PPP2R3A: variants seen among roughly 807,000 people sequenced by gnomAD.
PPP2R3A encodes the protein serine/threonine-protein phosphatase 2A regulatory subunit B'' subunit alpha.
PPP2R3A carries 80 observed loss-of-function variants against 106.9 expected under a neutral mutation model. That is an observed-to-expected ratio of 0.75 (90% CI 0.62 to 0.90). The LOEUF (loss-of-function observed/expected upper bound fraction) is 0.90, where lower values mean the gene tolerates loss of function less well. Ranked by LOEUF, PPP2R3A falls within the 40% of genes least tolerant of loss-of-function variation. PPP2R3A has a pLI of 0.00. For synonymous variants in PPP2R3A, 483 were observed against 468.3 expected, an observed-to-expected ratio of 1.03 and a Z score of -0.41; for missense variants, 1,386 against 1,350.4, an observed-to-expected ratio of 1.03 and a Z score of -0.41.
At chr3:136,032,165 A>G (rs1934915794) in intron 3 of PPP2R3A, among the ~76,000 whole-genome samples, 1 of 152,056 alleles carries the variant, frequency 6.6e-6, no homozygotes, top group South Asian at 2.1e-4. Flanking sequence ...ATGTGTTTCC[A>G]TTTGTTTGTG....
intron 3 of PPP2R3A, among the ~76,000 whole-genome samples, chr3:136,030,433 C>T (rs1406900393): frequency 6.6e-6 from 1 of 151,706 alleles, no homozygotes; most frequent in Non-Finnish European, 1.5e-5. Context: ...TGTTGGGAAA[C>T]AGGTGATGTT....
chr3:136,078,477 G>T lies in PPP2R3A; in HGVS notation c.2631+24G>T, dbSNP rs145124500. On this transcript the variant is annotated intron_variant, in intron 7 of 13. Coordinates refer to ENST00000264977, the MANE Select transcript of PPP2R3A (RefSeq NM_002718.5). Reference sequence around the variant, plus strand: ...AAGTATGCCTTTCATTAGAATTCATGTGTAATGAGCAATTTAGATAATTTT... The same window carrying T: ...AAGTATGCCTTTCATTAGAATTCATTTGTAATGAGCAATTTAGATAATTTT... The T allele has an allele frequency of 1.1e-3, 1,463 of 1,375,038 alleles. 46 individuals carry two copies. The East Asian group carries it at 0.021, about 20-fold the overall frequency. 85.2% of individuals were successfully genotyped at this position (1,375,038 alleles called of 1,614,324 possible).
At chr3:136,131,501 C>A (rs1576335006) in intron 13 of PPP2R3A, among the ~76,000 whole-genome samples, 1 of 152,060 alleles carries the variant, frequency 6.6e-6, no homozygotes, top group Non-Finnish European at 1.5e-5. Context: ...ATCATTAAAA[C>A]GTCAGGAAAC....
Position 136,102,181 on chromosome 3 carries a change from T to C in PPP2R3A, c.3102T>C (p.Asp1034=). The change falls in exon 11 of 14, where the codon GAT becomes GAC. Residue 1034 remains aspartate (D), a splice_region_variant and synonymous_variant. Transcript: ENST00000264977. ...QMLDLVKPAV[D]GKITLRDLKR... is the part of the protein sequence containing the mutation. Reference sequence around the variant, plus strand: ...TTGACCTAGTGAAGCCAGCTGTTGATGGTGAGACCAAGCAATGGGACAGAT... The same window carrying C: ...TTGACCTAGTGAAGCCAGCTGTTGACGGTGAGACCAAGCAATGGGACAGAT... 6.2e-7 allele frequency: 1 copy of C among 1,612,812 alleles called. No homozygotes were observed. The highest frequency in any genetic ancestry group is 8.5e-7 in the Non-Finnish European group (1 of 1,179,928).
intron 13 of PPP2R3A, among the ~76,000 whole-genome samples, chr3:136,110,566 A>G: frequency 6.6e-6 from 1 of 152,196 alleles, no homozygotes; most frequent in East Asian, 1.9e-4. Flanking sequence ...TACACAGGAG[A>G]AGGAATCAGC....
intron 13 of PPP2R3A, among the ~76,000 whole-genome samples, chr3:136,130,488 C>T (rs963122412): frequency 1.3e-5 from 2 of 152,164 alleles, no homozygotes; most frequent in Admixed American, 6.5e-5. Context: ...AACTACAAAT[C>T]ACTGCTCAAT....
At chr3:136,097,865 A>C (rs1341677688) in intron 10 of PPP2R3A, among the ~76,000 whole-genome samples, 1 of 152,188 alleles carries the variant, frequency 6.6e-6, no homozygotes, top group Non-Finnish European at 1.5e-5. Context: ...TATTACATGT[A>C]TTGCAGCCCT....
chr3:136,001,881 C>A lies in PPP2R3A; in HGVS notation c.383C>A (p.Ser128Tyr). 6.2e-7 allele frequency: 1 copy of A among 1,614,104 alleles called. No individual in the cohort carries two copies. The highest frequency in any genetic ancestry group is 8.5e-7 in the Non-Finnish European group (1 of 1,180,002). ...GCCAGTGGGAAAATAAAAGAATTTT[C>A]CTTTGAAAAACTCAAAAACTCTAAC... The part of the protein sequence containing the change: ...SFASGKIKEF[S>Y]FEKLKNSNHA... The change falls in exon 2 of 14, where the codon TCC becomes TAC. Residue 128 changes from serine to tyrosine, a missense_variant. Transcript: ENST00000264977.
At chr3:136,132,309 T>G (rs985944030) in intron 13 of PPP2R3A, among the ~76,000 whole-genome samples, 2 of 151,974 alleles carry the variant, frequency 1.3e-5, no homozygotes, top group African/African-American at 4.8e-5. Flanking sequence ...GCATTCAGAT[T>G]GGAAAGGAAG....
chr3:136,027,460 C>T (rs573140707), intron 3 of PPP2R3A, among the ~76,000 whole-genome samples: 1 of 152,160 alleles, frequency 6.6e-6, no homozygotes, highest in Non-Finnish European at 1.5e-5. Flanking sequence ...TCATAACTGC[C>T]CTAATGCCAG....
At chr3:136,037,686 G>A (rs1330368876) in intron 3 of PPP2R3A, among the ~76,000 whole-genome samples, 1 of 152,168 alleles carries the variant, frequency 6.6e-6, no homozygotes, top group African/African-American at 2.4e-5. Flanking sequence ...ACAAGCCTGA[G>A]ACATCTTTAA....
At chr3:135,989,898 C>A (rs1049073487) in intron 1 of PPP2R3A, among the ~76,000 whole-genome samples, 2 of 152,044 alleles carry the variant, frequency 1.3e-5, no homozygotes, top group Non-Finnish European at 2.9e-5. Flanking sequence ...CAAAAATCTC[C>A]ATGACTGTTT....
At chr3:136,136,065 AAAAAAAAATTATATATAT>A (rs1422571708) in intron 13 of PPP2R3A, among the ~76,000 whole-genome samples, 399 of 30,740 alleles carry the variant, frequency 0.013, 20 homozygotes, top group East Asian at 0.13. Flanking sequence ...AAAAAAAAAA[AAAAAAAAATTATATATAT>A]ATATATATAT....
At chr3:136,069,031 A>G (rs994383434) in intron 5 of PPP2R3A, among the ~76,000 whole-genome samples, 6 of 152,238 alleles carry the variant, frequency 3.9e-5, no homozygotes, top group Admixed American at 3.9e-4. Flanking sequence ...TCGTAAGGAA[A>G]GACTAACGAA....
intron 1 of PPP2R3A, among the ~76,000 whole-genome samples, chr3:135,985,303 G>C (rs1224375199): frequency 6.7e-6 from 1 of 148,922 alleles, no homozygotes; most frequent in Admixed American, 6.7e-5. Flanking sequence ...TGCTCACTTT[G>C]TCTCTCTCTC....
intron 5 of PPP2R3A, among the ~76,000 whole-genome samples, chr3:136,050,834 G>A (rs976149453): frequency 2.6e-5 from 4 of 152,088 alleles, no homozygotes; most frequent in African/African-American, 9.7e-5. Context: ...AAGTAGGGGT[G>A]AGCTCCCTAC....
intron 13 of PPP2R3A, 135 bp from the exon 14 acceptor site, chr3:136,144,908 G>GAGTT (rs1308462132): frequency 2.3e-6 from 2 of 859,280 alleles, no homozygotes; most frequent in African/African-American, 3.5e-5. Context: ...CACGGCAGTT[G>GAGTT]AGTTGCTCAC....
At chr3:136,106,370 A>G (rs1440643695) in intron 13 of PPP2R3A, 48 bp downstream of exon 13, 1 of 1,498,280 alleles carries the variant, frequency 6.7e-7, no homozygotes, top group Non-Finnish European at 9.3e-7. Flanking sequence ...AGGAATGCGC[A>G]TGTCCAGAGT....
At chr3:136,126,837 T>C (rs1196014607) in intron 13 of PPP2R3A, among the ~76,000 whole-genome samples, 1 of 152,202 alleles carries the variant, frequency 6.6e-6, no homozygotes, top group Non-Finnish European at 1.5e-5. Context: ...ATATTTGCTG[T>C]TCTGCAGCCT....
Sources: gnomAD v4.1 joint callset for allele counts (sites outside exome capture counted in the v4.1 genomes callset) on GRCh38, gnomAD v4.1.1 for gene constraint, MANE v1.5 for transcripts, NCBI Gene and HGNC (gene_info 2026-07-23, HGNC 2026-07-21) for gene names.